The following ARHGAP22 variants were observed in gnomAD, a reference collection of about 807,000 sequenced individuals.
ARHGAP22 encodes rho GTPase-activating protein 22.
A neutral mutation model predicts 59.1 loss-of-function variants in ARHGAP22; 48 were observed. The ratio of observed to expected loss-of-function variants is 0.81; its 90% CI spans 0.64 to 1.03. The LOEUF (loss-of-function observed/expected upper bound fraction) is 1.03. Among genes scored for constraint, ARHGAP22 ranks in the 50% least tolerant of loss-of-function variants. ARHGAP22 has a pLI of 0.00. For missense variants in ARHGAP22, 1,015 were observed against 958.7 expected, an observed-to-expected ratio of 1.06 and a Z score of -0.78; for synonymous variants, 445 against 416.4, an observed-to-expected ratio of 1.07 and a Z score of -0.84.
At chr10:48,480,716 C>T (rs2134087698) in intron 3 of ARHGAP22, among the ~76,000 whole-genome samples, 1 of 152,366 alleles carries the variant, frequency 6.6e-6, no homozygotes, top group African/African-American at 2.4e-5. Context: ...GGTTCTTTAT[C>T]CTCCACAGTG....
At chr10:48,547,207 G>A (rs2056516609) in intron 3 of ARHGAP22, among the ~76,000 whole-genome samples, 1 of 152,238 alleles carries the variant, frequency 6.6e-6, no homozygotes, top group African/African-American at 2.4e-5. Flanking sequence ...GCAGACACCA[G>A]CTTGCCTAGG....
chr10:48,575,797 G>T (rs1216883026), intron 2 of ARHGAP22: 4 of 152,216 alleles, frequency 2.6e-5, no homozygotes, highest in Non-Finnish European at 4.4e-5. Flanking sequence ...AACTCCACCT[G>T]CCATGTTCCC....
At position 48,451,185 on chromosome 10, in the gene ARHGAP22, G is replaced by A. The variant is rs540428407; in HGVS notation, c.989-45C>T. The A allele has an allele frequency of 5.8e-6, 9 of 1,549,966 alleles. No individual in the cohort carries two copies. In the East Asian group the frequency reaches 2.0e-4, roughly 34 times the overall value. ...AGAAGGGCCTTGCTGCCAGCCACTC[G>A]GCCCAGGCTCGCTCTGCCAGTCATG... is the stretch of plus-strand genomic sequence containing the variant. On this transcript the variant is annotated intron_variant, in intron 8 of 9. Coordinates refer to ENST00000249601, the MANE Select transcript of ARHGAP22 (RefSeq NM_021226.4).
At chr10:48,655,016 T>TTCTTTCTTTCTTTCTTTCTTTCTTTCTC (rs2062731325), upstream of ARHGAP22, among the ~76,000 whole-genome samples, 1 of 65,582 alleles carries the variant, frequency 1.5e-5, no homozygotes, top group African/African-American at 5.9e-5. Context: ...TTCTCTTTCT[T>TTCTTTCTTTCTTTCTTTCTTTCTTTCTC]TCTTTCTTTC....
intron 9 of ARHGAP22, 25 bp downstream of exon 9, chr10:48,450,236 G>C: frequency 1.9e-6 from 3 of 1,604,234 alleles, no homozygotes; most frequent in Non-Finnish European, 2.6e-6. Flanking sequence ...CCCGTCACAG[G>C]AGGCTCCACG....
intron 3 of ARHGAP22, among the ~76,000 whole-genome samples, chr10:48,542,695 T>C (rs1433011141): frequency 1.3e-5 from 2 of 152,158 alleles, no homozygotes; most frequent in Non-Finnish European, 2.9e-5. Flanking sequence ...GGGTGGAGTA[T>C]GCTCAGGGTC....
At chr10:48,562,293 A>T (rs112333645) in intron 2 of ARHGAP22, among the ~76,000 whole-genome samples, 3 of 151,744 alleles carry the variant, frequency 2.0e-5, no homozygotes, top group Non-Finnish European at 2.9e-5. Context: ...GCTCCTACAT[A>T]TACCCAAGAG....
the ARHGAP22 span, among the ~76,000 whole-genome samples, chr10:48,431,665 C>G: frequency 1.3e-5 from 2 of 152,156 alleles, no homozygotes; most frequent in Non-Finnish European, 2.9e-5. Flanking sequence ...CTGTCTTTCT[C>G]TTTTTGATAT....
At chr10:48,561,216 G>C (rs1489345473) in intron 2 of ARHGAP22, among the ~76,000 whole-genome samples, 1 of 152,076 alleles carries the variant, frequency 6.6e-6, no homozygotes, top group Non-Finnish European at 1.5e-5. Context: ...TCCATATATG[G>C]ATAATTGATT....
At chr10:48,526,306 A>G (rs1216923130) in intron 3 of ARHGAP22, among the ~76,000 whole-genome samples, 1 of 152,240 alleles carries the variant, frequency 6.6e-6, no homozygotes, top group African/African-American at 2.4e-5. Context: ...GAGATTAACA[A>G]GAGCAGGGCA....
intron 3 of ARHGAP22, chr10:48,493,339 G>A: frequency 8.2e-7 from 1 of 1,218,122 alleles, no homozygotes; most frequent in Non-Finnish European, 1.2e-6. Flanking sequence ...TTACCTGGTT[G>A]CGGCCACCAA....
chr10:48,620,875 G>A (rs1048560315), intron 1 of ARHGAP22, among the ~76,000 whole-genome samples: 1 of 152,228 alleles, frequency 6.6e-6, no homozygotes, highest in Admixed American at 6.5e-5. Context: ...AGTGCACTGG[G>A]ACTTGAAGCC....
At chr10:48,532,136 A>G (rs2054906385) in intron 3 of ARHGAP22, among the ~76,000 whole-genome samples, 2 of 152,176 alleles carry the variant, frequency 1.3e-5, no homozygotes, top group African/African-American at 4.8e-5. Context: ...ATGTCATCAG[A>G]TCCAATCTAC....
intron 3 of ARHGAP22, among the ~76,000 whole-genome samples, chr10:48,544,942 A>C (rs1223531068): frequency 6.6e-6 from 1 of 152,242 alleles, no homozygotes; most frequent in Non-Finnish European, 1.5e-5. Context: ...TTCCAGTGAA[A>C]ATTTAGTGTC....
exon 1 of ARHGAP22, chr10:48,652,266 C>T: frequency 6.5e-7 from 1 of 1,535,694 alleles, no homozygotes; most frequent in Non-Finnish European, 8.7e-7. Flanking sequence ...CCTCCTTTTG[C>T]TGGAAGCTGT....
intron 3 of ARHGAP22, among the ~76,000 whole-genome samples, chr10:48,487,854 C>T (rs531058373): frequency 1.3e-5 from 2 of 152,210 alleles, no homozygotes; most frequent in South Asian, 4.1e-4. Context: ...ATTGCTTGAG[C>T]CCCAGTTCAA....
At chr10:48,609,920 G>A (rs565704355), upstream of ARHGAP22, among the ~76,000 whole-genome samples, 1 of 152,196 alleles carries the variant, frequency 6.6e-6, no homozygotes, top group South Asian at 2.1e-4. Flanking sequence ...GGAAACTGTG[G>A]GATTCATCAA....
At chr10:48,476,577 C>T (rs558365817) in intron 4 of ARHGAP22, among the ~76,000 whole-genome samples, 20 of 152,338 alleles carry the variant, frequency 1.3e-4, no homozygotes, top group Middle Eastern at 3.4e-3. Flanking sequence ...CGTCTGGCAT[C>T]GCTAACTCCT....
chr10:48,600,873 G>C (rs577260663), intron 1 of ARHGAP22, among the ~76,000 whole-genome samples: 2 of 152,170 alleles, frequency 1.3e-5, no homozygotes, highest in East Asian at 1.9e-4. Flanking sequence ...GAGACTGCTG[G>C]GTGATTCCCT....
Sources: gnomAD v4.1 joint callset for allele counts (sites outside exome capture counted in the v4.1 genomes callset) on GRCh38, gnomAD v4.1.1 for gene constraint, MANE v1.5 for transcripts, NCBI Gene and HGNC (gene_info 2026-07-23, HGNC 2026-07-21) for gene names.